TEX14: variants seen among roughly 807,000 people sequenced by gnomAD.
TEX14 encodes the protein inactive serine/threonine-protein kinase TEX14.
TEX14 carries 168 observed loss-of-function variants against 178.6 expected under a neutral mutation model. The ratio of observed to expected loss-of-function variants is 0.94; its 90% CI spans 0.83 to 1.07. The LOEUF (loss-of-function observed/expected upper bound fraction) is 1.07, where lower values mean the gene tolerates loss of function less well. Ranked by LOEUF, TEX14 falls within the 50% of genes least tolerant of loss-of-function variation. The pLI, the probability that TEX14 is intolerant of heterozygous loss-of-function variation, is 0.00. For missense variants in TEX14, 1,730 were observed against 1,753.6 expected (o/e 0.99, Z 0.24); for synonymous variants, 626 against 634.1 (o/e 0.99, Z 0.19).
At chr17:58,588,443 G>A (rs1043601697) in intron 15 of TEX14, among the ~76,000 whole-genome samples, 1 of 152,106 alleles carries the variant, frequency 6.6e-6, no homozygotes, top group Non-Finnish European at 1.5e-5. Flanking sequence ...ACACATGCAC[G>A]CCACCATGCC....
chr17:58,640,524 C>T (rs1039812109), intron 2 of TEX14, among the ~76,000 whole-genome samples: 1 of 151,682 alleles, frequency 6.6e-6, no homozygotes. Flanking sequence ...AGTTTTTCTA[C>T]GTGCTAAGCA....
In TEX14 at chr17:58,616,257, C is replaced by A; in HGVS notation, c.685G>T (p.Val229Phe). 6.2e-7 allele frequency: 1 copy of A among 1,613,926 alleles called. No homozygotes were observed. Among genetic ancestry groups the A allele is most frequent in the Non-Finnish European group, 8.5e-7 (1 of 1,179,946 alleles). ...TGAATCACTTCCTTTTCTCCAATGA[C>A]CGGAAGAGATCCTAGATAGGCCATC... ...TQMAYLGSLP[V>F]IGEKEVIQAD... Residue 229 changes from valine (V) to phenylalanine (F), a missense_variant, in exon 7 of 32, where the codon GTC (valine) becomes TTC (phenylalanine). Physicochemically the swap from Val to Phe is conservative, Grantham distance 50. Around this residue, in one of 2 missense-constraint regions of TEX14, gnomAD observed 789 missense variants for 681.2 expected, o/e 1.16. Transcript: ENST00000349033.
intron 1 of TEX14, among the ~76,000 whole-genome samples, chr17:58,685,201 AGGTG>A (rs2047570528): frequency 6.6e-6 from 1 of 152,050 alleles, no homozygotes; most frequent in African/African-American, 2.4e-5. Flanking sequence ...TGGGAGGCCG[AGGTG>A]GGTGGATCAC....
intron 13 of TEX14, among the ~76,000 whole-genome samples, chr17:58,600,077 C>A (rs2045392800): frequency 6.6e-6 from 1 of 152,182 alleles, no homozygotes; most frequent in Non-Finnish European, 1.5e-5. Flanking sequence ...AAGTGATCCT[C>A]CCGTCTCACT....
chr17:58,654,766 C>T (rs1032633148), intron 1 of TEX14, among the ~76,000 whole-genome samples: 1 of 151,724 alleles, frequency 6.6e-6, no homozygotes. Flanking sequence ...CTTGGCCTCC[C>T]AAAGTGCTGG....
chr17:58,603,887 C>CTGTGTGTGTGTGTGTGTGTGTGTG (rs71143257), intron 11 of TEX14, among the ~76,000 whole-genome samples: 2 of 105,286 alleles, frequency 1.9e-5, no homozygotes, highest in African/African-American at 4.0e-5. Flanking sequence ...TGTGATTTTA[C>CTGTGTGTGTGTGTGTGTGTGTGTG]TGTGTGTGTG....
intron 17 of TEX14, among the ~76,000 whole-genome samples, chr17:58,587,224 T>A (rs2044999289): frequency 6.6e-6 from 1 of 152,230 alleles, no homozygotes; most frequent in African/African-American, 2.4e-5. Flanking sequence ...TTGTTATACA[T>A]CGTTTTGCTT....
At chr17:58,656,938 A>G (rs1374861931) in intron 1 of TEX14, among the ~76,000 whole-genome samples, 1 of 148,918 alleles carries the variant, frequency 6.7e-6, no homozygotes, top group Non-Finnish European at 1.5e-5. Flanking sequence ...AAAAAAAAAA[A>G]AAAAAAAAAA....
rs2144418119 is a variant in TEX14 at position 58,587,564 on chromosome 17, C to G, written c.2788+17G>C. 1.4e-6 allele frequency: 2 copies of G among 1,436,040 alleles called. No individual in the cohort carries two copies. The highest frequency in any genetic ancestry group is 2.3e-5 in the East Asian group (1 of 43,944). 89.0% of individuals were successfully genotyped at this position (1,436,040 alleles called of 1,614,324 possible). A position where few individuals can be genotyped will look rare whatever the true frequency, so the allele number is the denominator to read the frequency against. On this transcript the variant is annotated intron_variant, in intron 17 of 31. Transcript: ENST00000349033. ...AAATTTCATTTTGTCTAATAAAACC[C>G]ATGACTTTATACTCACTTTTCCATT...
At chr17:58,602,262 A>G (rs549657611) in intron 12 of TEX14, 138 bp downstream of exon 12, 1 of 845,718 alleles carries the variant, frequency 1.2e-6, no homozygotes, top group Non-Finnish European at 1.8e-6. Context: ...GCTATTATCA[A>G]GAACACAGAA....
At position 58,615,364 on chromosome 17, in the gene TEX14, G is replaced by A. The variant is rs1046837096; in HGVS notation, c.768-19C>T. On this transcript the variant is annotated intron_variant, in intron 7 of 31. Transcript: ENST00000349033. ...CACTAGGCTACAAGGACAGGAAAGA[G>A]TTTCAGCAGAAAGGAGTGAGCAGCC... 1 of 1,497,290 alleles carries A rather than the reference G, an allele frequency of 6.7e-7. No individual in the cohort carries two copies. The highest frequency in any genetic ancestry group is 1.1e-5 in the South Asian group (1 of 88,706). 92.8% of individuals were successfully genotyped at this position (1,497,290 alleles called of 1,614,324 possible). A position where few individuals can be genotyped will look rare whatever the true frequency, so the allele number is the denominator to read the frequency against.
intron 3 of TEX14, among the ~76,000 whole-genome samples, chr17:58,626,816 A>G (rs2046155560): frequency 6.6e-6 from 1 of 152,180 alleles, no homozygotes; most frequent in Non-Finnish European, 1.5e-5. Context: ...GGTTGCAGTG[A>G]GCCAAGATCG....
intron 1 of TEX14, chr17:58,661,577 A>G (rs766864309): frequency 2.7e-6 from 2 of 734,874 alleles, no homozygotes; most frequent in Admixed American, 2.0e-5. Flanking sequence ...CGGCGGCAGG[A>G]ACTCGTCTTC....
At chr17:58,661,603 G>A (rs1282997226) in intron 1 of TEX14, 3 of 713,052 alleles carry the variant, frequency 4.2e-6, no homozygotes, top group Admixed American at 4.4e-5. Context: ...CTGCCATCTT[G>A]GGAAGGCTGA....
intron 2 of TEX14, among the ~76,000 whole-genome samples, chr17:58,635,879 G>A (rs1192101294): frequency 6.6e-6 from 1 of 152,040 alleles, no homozygotes; most frequent in East Asian, 1.9e-4. Flanking sequence ...CCCAGTAGCT[G>A]GGATCACAGG....
chr17:58,636,992 A>G (rs2046449395), intron 2 of TEX14, among the ~76,000 whole-genome samples: 1 of 152,082 alleles, frequency 6.6e-6, no homozygotes, highest in Non-Finnish European at 1.5e-5. Flanking sequence ...TTTGGGAGGC[A>G]GAAGCGGGTG....
At chr17:58,559,700 C>G in intron 29 of TEX14, 138 bp from the exon 30 acceptor site, 1 of 612,620 alleles carries the variant, frequency 1.6e-6, no homozygotes, top group South Asian at 2.0e-5. Flanking sequence ...AGAGTGTTCT[C>G]TATGCACCAG....
chr17:58,623,486 G>A (rs2046052452), intron 3 of TEX14, among the ~76,000 whole-genome samples: 1 of 152,018 alleles, frequency 6.6e-6, no homozygotes, highest in African/African-American at 2.4e-5. Flanking sequence ...AGAAAATCCT[G>A]TGGTAGAGCA....
At chr17:58,640,897 T>C (rs1311057435) in intron 2 of TEX14, among the ~76,000 whole-genome samples, 3 of 151,994 alleles carry the variant, frequency 2.0e-5, no homozygotes, top group African/African-American at 7.2e-5. Flanking sequence ...TTTTTTTGCT[T>C]TTTGTAGAGA....
Sources: allele counts gnomAD v4.1 joint callset (sites outside exome capture counted in the v4.1 genomes callset), GRCh38; gene constraint gnomAD v4.1.1; regional missense constraint gnomAD v4.1.1; transcripts MANE v1.5; gene names NCBI Gene and HGNC (gene_info 2026-07-23, HGNC 2026-07-21).